Variants in CD9 observed in about 807,000 individuals in gnomAD.
CD9 encodes CD9 molecule, also known as CD9 antigen.
A neutral mutation model predicts 31.4 loss-of-function variants in CD9; 10 were observed. The ratio of observed to expected loss-of-function variants is 0.32; its 90% confidence interval spans 0.20 to 0.54. The LOEUF is 0.54. Among genes scored for constraint, CD9 ranks in the 20% least tolerant of loss-of-function variants. The probability of loss-of-function intolerance (pLI) is 0.94; values close to 1 mark genes in which losing one functional copy is unlikely to be tolerated. For synonymous variants in CD9, 113 were observed against 114.1 expected, an observed-to-expected ratio of 0.99 and a Z score of 0.06; for missense variants, 259 against 300.1, an observed-to-expected ratio of 0.86 and a Z score of 1.01.
At chr12:6,236,838 G>A (rs543099059) in intron 7 of CD9, 20 of 138,310 alleles carry the variant, frequency 1.4e-4, no homozygotes, top group Middle Eastern at 2.0e-3. Context: ...CCCCACCCCC[G>A]CCTGCCTCTG....
intron 1 of CD9, among the ~76,000 whole-genome samples, chr12:6,223,460 A>G (rs1443739345): frequency 6.6e-6 from 1 of 151,868 alleles, no homozygotes; most frequent in Non-Finnish European, 1.5e-5. Context: ...ACGGGGTTTC[A>G]CTGTGTTAGC....
chr12:6,225,750 G>A, intron 2 of CD9: 1 of 564,400 alleles, frequency 1.8e-6, no homozygotes, highest in African/African-American at 1.9e-5. Context: ...TTTCCTGATG[G>A]CCAAGTCAGG....
chr12:6,200,855 C>T (rs890657049), intron 1 of CD9: 9 of 349,710 alleles, frequency 2.6e-5, no homozygotes, highest in African/African-American at 8.6e-5. Flanking sequence ...CACTTTAGCT[C>T]GCCTAGGATT....
chr12:6,217,095 T>G (rs1294008365), intron 1 of CD9, among the ~76,000 whole-genome samples: 1 of 152,142 alleles, frequency 6.6e-6, no homozygotes, highest in Non-Finnish European at 1.5e-5. Context: ...AGAGAGCTCC[T>G]AGGTAGCAGT....
chr12:6,209,254 C>T (rs916104666), intron 1 of CD9, among the ~76,000 whole-genome samples: 3 of 152,214 alleles, frequency 2.0e-5, no homozygotes, highest in African/African-American at 7.2e-5. Flanking sequence ...GCCACCGCAC[C>T]GGGCTCGTCG....
At chr12:6,219,295 C>T (rs1308579652) in intron 1 of CD9, among the ~76,000 whole-genome samples, 1 of 151,780 alleles carries the variant, frequency 6.6e-6, no homozygotes, top group Non-Finnish European at 1.5e-5. Context: ...CATGAGCCAC[C>T]GCACCCGGCC....
chr12:6,217,339 C>T (rs550958519), intron 1 of CD9, among the ~76,000 whole-genome samples: 24 of 151,624 alleles, frequency 1.6e-4, no homozygotes, highest in South Asian at 4.2e-4. Context: ...CTGAGCAACA[C>T]GGTGAAACCC....
chr12:6,229,624 C>T (rs767781166), intron 2 of CD9, among the ~76,000 whole-genome samples: 2 of 152,172 alleles, frequency 1.3e-5, no homozygotes, highest in Non-Finnish European at 2.9e-5. Flanking sequence ...GCCAGAGGCC[C>T]TACCGGATTT....
In CD9 at chr12:6,237,974, A is replaced by G. The variant is rs1020463004; in HGVS notation, c.*146A>G. 1.4e-5 allele frequency: 8 copies of G among 568,568 alleles called. No individual in the cohort carries two copies. Among genetic ancestry groups the G allele is most frequent in the Non-Finnish European group, 2.2e-5 (7 of 314,784 alleles). 35.2% of individuals were successfully genotyped at this position (568,568 alleles called of 1,614,324 possible). ...ATTCTGCATTGCTAGATAAAAGCTG[A>G]AGTTACTTTATGTTTGTCTTTTAAT... On this transcript the variant is annotated 3_prime_UTR_variant, in exon 8 of 8. Transcript: ENST00000009180.
At chr12:6,229,538 A>AAACCAGTC (rs1175668051) in intron 2 of CD9, among the ~76,000 whole-genome samples, 1 of 152,208 alleles carries the variant, frequency 6.6e-6, no homozygotes, top group African/African-American at 2.4e-5. Flanking sequence ...AACCAAGACG[A>AAACCAGTC]AACCAGTCGG....
rs1031602539 is a variant in CD9, at chr12:6,200,775, G to C, written c.66+210G>C. 4.2e-5 allele frequency: 19 copies of C among 457,492 alleles called. 2 individuals are homozygous for C. In the East Asian group the frequency reaches 7.0e-4, roughly 17 times the overall value. 28.3% of individuals were successfully genotyped at this position (457,492 alleles called of 1,614,324 possible). A position where few individuals can be genotyped will look rare whatever the true frequency, so the allele number is the denominator to read the frequency against. On this transcript the variant is annotated intron_variant, in intron 1 of 7. Coordinates refer to ENST00000009180, the MANE Select transcript of CD9 (RefSeq NM_001769.4). ...GCCGCGACGGGCGCATTCGGGTGGG[G>C]GCTCATCACCGCCCAGCCGGCGTGG...
rs1368044067 is a variant in CD9, at chr12:6,233,405, C to T, written c.274-7C>T. 6.2e-7 allele frequency: 1 copy of T among 1,613,014 alleles called. No individual in the cohort carries two copies. The highest frequency in any genetic ancestry group is 1.1e-5 in the South Asian group (1 of 91,060). On this transcript the variant is annotated splice_polypyrimidine_tract_variant and splice_region_variant and intron_variant, in intron 3 of 7. Coordinates refer to ENST00000009180, the MANE Select transcript of CD9 (RefSeq NM_001769.4). ...TGTTCTCACCCCGTCCCCTCGTTGC[C>T]TTCCAGTTCTTCGGCTTCCTCTTGG...
At chr12:6,221,202 A>G (rs1946288396) in intron 1 of CD9, among the ~76,000 whole-genome samples, 1 of 152,222 alleles carries the variant, frequency 6.6e-6, no homozygotes, top group Admixed American at 6.5e-5. Flanking sequence ...AAAGGGATGG[A>G]ACCATTTTTT....
At chr12:6,212,464 C>A (rs1311841464) in intron 1 of CD9, among the ~76,000 whole-genome samples, 1 of 152,206 alleles carries the variant, frequency 6.6e-6, no homozygotes, top group Non-Finnish European at 1.5e-5. Context: ...TGAGGCCAGG[C>A]TCGAACATTT....
chr12:6,237,858 T>G lies in CD9; in HGVS notation c.*30T>G. 6.5e-7 allele frequency: 1 copy of G among 1,546,606 alleles called. No individual in the cohort carries two copies. Among genetic ancestry groups the G allele is most frequent in the Non-Finnish European group, 8.9e-7 (1 of 1,119,962 alleles). On this transcript the variant is annotated 3_prime_UTR_variant, in exon 8 of 8. Coordinates refer to ENST00000009180, the MANE Select transcript of CD9 (RefSeq NM_001769.4). ...AGCTTACATCCCTGAGCAGGAAAGTTTACCCATGAAGATTGGTGGGATTTT... is the reference window on the plus strand; with the variant it reads ...AGCTTACATCCCTGAGCAGGAAAGTGTACCCATGAAGATTGGTGGGATTTT...
chr12:6,214,779 A>T (rs1023125429), intron 1 of CD9, among the ~76,000 whole-genome samples: 3 of 152,110 alleles, frequency 2.0e-5, no homozygotes, highest in African/African-American at 7.2e-5. Flanking sequence ...GGAGGTTCTT[A>T]CCAGGAGTGC....
intron 1 of CD9, among the ~76,000 whole-genome samples, chr12:6,218,413 C>G (rs1381659115): frequency 6.6e-6 from 1 of 152,184 alleles, no homozygotes; most frequent in Non-Finnish European, 1.5e-5. Flanking sequence ...TGCCCTCCCC[C>G]ACACTGAAAC....
chr12:6,238,063 T>C lies in CD9; in HGVS notation c.*235T>C, dbSNP rs988092883. 1.2e-5 allele frequency: 5 copies of C among 412,382 alleles called. No individual in the cohort carries two copies. The highest frequency in any genetic ancestry group is 1.0e-4 in the African/African-American group (5 of 48,734). 25.5% of individuals were successfully genotyped at this position (412,382 alleles called of 1,614,324 possible). ...TTTGGTTTGCTTTGGTTTATATTTT[T>C]TCAGTTGTTTGTTTTTGCTTGTTAT... On this transcript the variant is annotated 3_prime_UTR_variant, in exon 8 of 8. Coordinates refer to ENST00000009180, the MANE Select transcript of CD9 (RefSeq NM_001769.4).
rs1418811427 is a variant in CD9, at chr12:6,233,488, T to G, written c.348+2T>G. ...TGGGGATATTCCCACAAGGATGAGG[T>G]AGGTTTTTCCCATGAGATCTCTTGG... On this transcript the variant is annotated splice_donor_variant, in intron 4 of 7. Coordinates refer to ENST00000009180, the MANE Select transcript of CD9 (RefSeq NM_001769.4). LOFTEE classifies it high-confidence loss of function. The G allele has an allele frequency of 6.2e-7, 1 of 1,610,754 alleles. No homozygotes were observed. The highest frequency in any genetic ancestry group is 1.7e-5 in the Admixed American group (1 of 59,994).
Sources: allele counts gnomAD v4.1 joint callset (sites outside exome capture counted in the v4.1 genomes callset), GRCh38; gene constraint gnomAD v4.1.1; transcripts MANE v1.5; gene names NCBI Gene and HGNC (gene_info 2026-07-23, HGNC 2026-07-21).